Variants in SERPINI1 observed in about 807,000 individuals in gnomAD.
SERPINI1 encodes neuroserpin.
SERPINI1 carries 19 observed loss-of-function variants against 41.1 expected under a neutral mutation model. That is an observed-to-expected ratio of 0.46 (90% CI 0.32 to 0.68). SERPINI1 has a LOEUF of 0.68. Among genes scored for constraint, SERPINI1 ranks in the 30% least tolerant of loss-of-function variants. The pLI is 0.03. For synonymous variants in SERPINI1, 138 were observed against 156.6 expected (o/e 0.88, Z 0.89); for missense variants, 460 against 479.2 (o/e 0.96, Z 0.37).
At chr3:167,737,028 G>T (rs1199684072) in intron 1 of SERPINI1, among the ~76,000 whole-genome samples, 3 of 151,144 alleles carry the variant, frequency 2.0e-5, no homozygotes, top group Non-Finnish European at 3.0e-5. Flanking sequence ...TAATAACCAG[G>T]GTCAATAAAA....
At chr3:167,762,271 G>T (rs561687069) in intron 1 of SERPINI1, among the ~76,000 whole-genome samples, 2 of 151,794 alleles carry the variant, frequency 1.3e-5, no homozygotes, top group African/African-American at 4.8e-5. Flanking sequence ...CTCTCCTCAT[G>T]ATACCACTCC....
At chr3:167,742,818 TTGTGTGTG>T (rs10576293) in intron 1 of SERPINI1, among the ~76,000 whole-genome samples, 95 of 145,096 alleles carry the variant, frequency 6.5e-4, no homozygotes, top group Middle Eastern at 3.7e-3. Context: ...TTGTGCCGTT[TTGTGTGTG>T]TGTGTGTGTG....
chr3:167,814,129 G>A (rs1006056075), intron 6 of SERPINI1, among the ~76,000 whole-genome samples: 3 of 152,066 alleles, frequency 2.0e-5, no homozygotes, highest in Non-Finnish European at 2.9e-5. Flanking sequence ...ACCTTATCTT[G>A]TTAGCTTAGT....
chr3:167,749,296 A>G (rs1045397834), intron 1 of SERPINI1, among the ~76,000 whole-genome samples: 3 of 151,254 alleles, frequency 2.0e-5, no homozygotes, highest in Non-Finnish European at 4.4e-5. Flanking sequence ...GGAACATTTT[A>G]TTTTTTGGTT....
intron 5 of SERPINI1, 38 bp from the exon 6 acceptor site, chr3:167,807,206 G>T (rs770794025): frequency 3.8e-6 from 5 of 1,306,968 alleles, no homozygotes; most frequent in Non-Finnish European, 5.6e-6. Context: ...GTAACAAGAT[G>T]CTCTAACTAA....
intron 4 of SERPINI1, among the ~76,000 whole-genome samples, 189 bp from the exon 5 acceptor site, chr3:167,794,431 A>C (rs777117164): frequency 2.6e-5 from 4 of 151,838 alleles, no homozygotes; most frequent in Non-Finnish European, 4.4e-5. Flanking sequence ...TTTAGATTTT[A>C]TTTCAATACT....
chr3:167,759,146 C>A (rs1307491919), intron 1 of SERPINI1, among the ~76,000 whole-genome samples: 1 of 152,030 alleles, frequency 6.6e-6, no homozygotes, highest in Non-Finnish European at 1.5e-5. Context: ...ATTCTCATAA[C>A]TACTTTACAA....
chr3:167,760,682 A>T (rs761903878), intron 1 of SERPINI1, among the ~76,000 whole-genome samples: 2 of 151,982 alleles, frequency 1.3e-5, no homozygotes, highest in Non-Finnish European at 2.9e-5. Flanking sequence ...CTCTGGATTT[A>T]TCTAATCTGG....
At chr3:167,809,471 T>C (rs1220737291) in intron 6 of SERPINI1, among the ~76,000 whole-genome samples, 4 of 152,206 alleles carry the variant, frequency 2.6e-5, no homozygotes, top group African/African-American at 9.6e-5. Context: ...TCAATTATTG[T>C]GGTCAGTGTA....
intron 5 of SERPINI1, among the ~76,000 whole-genome samples, chr3:167,798,868 GA>G (rs1363936020): frequency 6.6e-6 from 1 of 152,076 alleles, no homozygotes; most frequent in Non-Finnish European, 1.5e-5. Context: ...GGCAAGGGTG[GA>G]AAAACTATTG....
chr3:167,738,579 AT>A (rs1725563268), intron 1 of SERPINI1, among the ~76,000 whole-genome samples: 1 of 151,934 alleles, frequency 6.6e-6, no homozygotes, highest in East Asian at 1.9e-4. Flanking sequence ...ATAATCCATG[AT>A]TCCATGACCT....
intron 1 of SERPINI1, among the ~76,000 whole-genome samples, chr3:167,786,227 G>T (rs1207957848): frequency 6.6e-6 from 1 of 152,234 alleles, no homozygotes; most frequent in Non-Finnish European, 1.5e-5. Context: ...GATAGGCCGG[G>T]TGTGGTGGCT....
intron 6 of SERPINI1, among the ~76,000 whole-genome samples, chr3:167,817,016 A>G (rs1364335528): frequency 2.6e-5 from 4 of 152,016 alleles, no homozygotes; most frequent in African/African-American, 9.7e-5. Flanking sequence ...GAGGTTTGCA[A>G]TATACTGAAG....
chr3:167,776,681 G>T (rs775017652), intron 1 of SERPINI1, among the ~76,000 whole-genome samples: 1 of 152,218 alleles, frequency 6.6e-6, no homozygotes, highest in Non-Finnish European at 1.5e-5. Context: ...ACTGTTTAAT[G>T]CAGTAGGCAC....
chr3:167,762,061 T>G (rs1481379422), intron 1 of SERPINI1, among the ~76,000 whole-genome samples: 2 of 152,104 alleles, frequency 1.3e-5, no homozygotes, highest in Admixed American at 6.5e-5. Flanking sequence ...CCACCCTTGG[T>G]CTCGATGAAG....
intron 1 of SERPINI1, among the ~76,000 whole-genome samples, chr3:167,775,187 G>A (rs576138323): frequency 1.0e-4 from 15 of 150,124 alleles, no homozygotes; most frequent in African/African-American, 3.7e-4. Context: ...AAAATTTTAC[G>A]TGATTTCCCA....
At chr3:167,774,311 G>A (rs187696023) in intron 1 of SERPINI1, among the ~76,000 whole-genome samples, 1 of 152,192 alleles carries the variant, frequency 6.6e-6, no homozygotes, top group East Asian at 1.9e-4. Flanking sequence ...TTCCTTATTT[G>A]CATTGGTGTC....
rs116137807 is a variant in SERPINI1 at position 167,775,621 on chromosome 3, A to C, written c.-18-13490A>C. On this transcript the variant is annotated intron_variant, in intron 1 of 8. Transcript: ENST00000446050. Reference sequence around the variant, plus strand: ...ATTACACGAAAACATTTTAATAATAAAAAATTAGAAACTGTAATATGTTTT... The same window carrying C: ...ATTACACGAAAACATTTTAATAATACAAAATTAGAAACTGTAATATGTTTT... Among the ~76,000 whole-genome samples the C allele has an allele frequency of 8.1e-3, 1,236 of 152,312 alleles. 13 individuals carry two copies. The highest frequency in any genetic ancestry group is 0.028 in the African/African-American group (1,178 of 41,570).
chr3:167,794,069 C>T (rs892293647), intron 4 of SERPINI1, among the ~76,000 whole-genome samples: 1 of 151,834 alleles, frequency 6.6e-6, no homozygotes, highest in Non-Finnish European at 1.5e-5. Context: ...TCAAATTTTC[C>T]CTTCTTAAAA....
Sources: gnomAD v4.1 joint callset for allele counts (sites outside exome capture counted in the v4.1 genomes callset) on GRCh38, gnomAD v4.1.1 for gene constraint, MANE v1.5 for transcripts, NCBI Gene and HGNC (gene_info 2026-07-23, HGNC 2026-07-21) for gene names.